Variants in ENTREP2 observed in about 807,000 individuals in gnomAD.
ENTREP2 encodes protein ENTREP2.
chr15:29,347,031 T>C, the ENTREP2 span, among the ~76,000 whole-genome samples: 1 of 152,336 alleles, frequency 6.6e-6, no homozygotes. Context: ...AAAGAAAAGT[T>C]TGGATTCATG....
At chr15:29,258,296 T>C in the ENTREP2 span, among the ~76,000 whole-genome samples, 82 of 151,232 alleles carry the variant, frequency 5.4e-4, no homozygotes, top group African/African-American at 1.9e-3. Flanking sequence ...GGCAGTCCCA[T>C]ATCATTCAAA....
the ENTREP2 span, among the ~76,000 whole-genome samples, chr15:29,243,467 C>T: frequency 6.6e-5 from 10 of 152,044 alleles, no homozygotes; most frequent in Admixed American, 2.6e-4. Flanking sequence ...TCCACAAGAG[C>T]ACTGTGTATC....
the ENTREP2 span, among the ~76,000 whole-genome samples, chr15:29,417,118 T>C: frequency 1.3e-5 from 2 of 152,182 alleles, no homozygotes; most frequent in Non-Finnish European, 2.9e-5. Context: ...CTAGAAATAC[T>C]ATTTGACCCA....
the ENTREP2 span, among the ~76,000 whole-genome samples, chr15:29,657,791 A>C: frequency 6.6e-6 from 1 of 152,138 alleles, no homozygotes; most frequent in African/African-American, 2.4e-5. Flanking sequence ...AGGAAGTCCA[A>C]CTGGCCTCAC....
chr15:29,297,758 A>T, the ENTREP2 span, among the ~76,000 whole-genome samples: 3 of 152,190 alleles, frequency 2.0e-5, no homozygotes, highest in Non-Finnish European at 1.5e-5. Context: ...GAACTGCAGC[A>T]AAAGTAGGTA....
the ENTREP2 span, among the ~76,000 whole-genome samples, chr15:29,582,763 T>C: frequency 6.6e-6 from 1 of 152,146 alleles, no homozygotes; most frequent in African/African-American, 2.4e-5. Context: ...GCGATTCTCC[T>C]GCCTCAGCCT....
chr15:29,539,650 C>T, the ENTREP2 span, among the ~76,000 whole-genome samples: 153 of 152,126 alleles, frequency 1.0e-3, 1 homozygote, highest in Non-Finnish European at 2.0e-3. Flanking sequence ...CCAATCCTGC[C>T]TTGTTCTGGG....
At chr15:29,177,942 G>A in the ENTREP2 span, among the ~76,000 whole-genome samples, 13 of 152,078 alleles carry the variant, frequency 8.5e-5, no homozygotes, top group African/African-American at 2.9e-4. Flanking sequence ...GTGCTGCAGG[G>A]ACACCCGGGT....
the ENTREP2 span, among the ~76,000 whole-genome samples, chr15:29,479,582 G>A: frequency 6.6e-6 from 1 of 151,830 alleles, no homozygotes; most frequent in Non-Finnish European, 1.5e-5. Context: ...AAGGGCTACT[G>A]TGAATAGCTT....
the ENTREP2 span, among the ~76,000 whole-genome samples, chr15:29,637,428 G>A: frequency 6.6e-6 from 1 of 152,286 alleles, no homozygotes. Flanking sequence ...TCATTTCTCA[G>A]AAACACATCA....
chr15:29,165,352 A>T, the ENTREP2 span, among the ~76,000 whole-genome samples: 1 of 152,134 alleles, frequency 6.6e-6, no homozygotes, highest in South Asian at 2.1e-4. Context: ...ATTGAAACAA[A>T]CAAACAAACA....
the ENTREP2 span, among the ~76,000 whole-genome samples, chr15:29,203,922 G>C: frequency 1.3e-5 from 2 of 152,170 alleles, no homozygotes; most frequent in Admixed American, 1.3e-4. Context: ...TCAGTCTGAA[G>C]GATCATCCGG....
chr15:29,594,465 T>C, the ENTREP2 span, among the ~76,000 whole-genome samples: 5 of 152,184 alleles, frequency 3.3e-5, no homozygotes, highest in Non-Finnish European at 5.9e-5. Context: ...GCCAGCTCCT[T>C]GAACCTCTTC....
the ENTREP2 span, among the ~76,000 whole-genome samples, chr15:29,555,842 T>G: frequency 1.3e-5 from 2 of 152,104 alleles, no homozygotes; most frequent in Non-Finnish European, 2.9e-5. Context: ...TCAGACACAC[T>G]CCTGTGCACA....
chr15:29,639,788 G>A, the ENTREP2 span, among the ~76,000 whole-genome samples: 6,416 of 123,580 alleles, frequency 0.052, 176 homozygotes, highest in South Asian at 0.069. Context: ...TTTTTTTTGA[G>A]ACGAAGTCTC....
At chr15:29,551,315 T>C in the ENTREP2 span, among the ~76,000 whole-genome samples, 2 of 152,174 alleles carry the variant, frequency 1.3e-5, no homozygotes, top group African/African-American at 4.8e-5. Flanking sequence ...TGCAGGGAGC[T>C]GGCACTTCCA....
chr15:29,454,157 CA>C, the ENTREP2 span, among the ~76,000 whole-genome samples: 1 of 152,066 alleles, frequency 6.6e-6, no homozygotes, highest in Non-Finnish European at 1.5e-5. Context: ...GACCCAAAAA[CA>C]AAAAAGAATT....
chr15:29,533,511 C>T, the ENTREP2 span, among the ~76,000 whole-genome samples: 1 of 152,162 alleles, frequency 6.6e-6, no homozygotes, highest in Admixed American at 6.5e-5. Context: ...TATTTCTAAG[C>T]TTCCACCTGT....
chr15:29,516,733 G>C, the ENTREP2 span, among the ~76,000 whole-genome samples: 2 of 152,124 alleles, frequency 1.3e-5, no homozygotes, highest in African/African-American at 2.4e-5. Context: ...CAAGTGTGTT[G>C]TCATATTTTC....
Sources: gnomAD v4.1 joint callset for allele counts (sites outside exome capture counted in the v4.1 genomes callset) on GRCh38, gnomAD v4.1.1 for gene constraint, MANE v1.5 for transcripts, NCBI Gene and HGNC (gene_info 2026-07-23, HGNC 2026-07-21) for gene names.